Variants in HEPACAM2 observed in about 807,000 individuals in gnomAD.
HEPACAM2 encodes HEPACAM family member 2.
HEPACAM2 carries 49 observed loss-of-function variants against 49.6 expected under a neutral mutation model. The ratio of observed to expected loss-of-function variants is 0.99; its 90% confidence interval spans 0.78 to 1.25. HEPACAM2 has a LOEUF of 1.25. Ranked by LOEUF, HEPACAM2 falls within the 50% of genes most tolerant of loss-of-function variation. HEPACAM2 has a pLI of 0.00. For missense variants in HEPACAM2, 525 were observed against 557.2 expected (o/e 0.94, Z 0.58); for synonymous variants, 197 against 202.9 (o/e 0.97, Z 0.25).
At chr7:93,205,306 A>G (rs1794000616) in intron 4 of HEPACAM2, among the ~76,000 whole-genome samples, 1 of 152,006 alleles carries the variant, frequency 6.6e-6, no homozygotes, top group Non-Finnish European at 1.5e-5. Flanking sequence ...CACAGAACTA[A>G]TTGTTCTCTC....
In HEPACAM2 at chr7:93,192,318, C is replaced by T; in HGVS notation, c.1321G>A (p.Asp441Asn). ...VPASDCVSGQ[D>N]LHSTVYEVIQ... ...ACTTCATACACTGTACTGTGCAAAT[C>T]TTGCCCCGATACACAATCAGAGGCT... The change falls in exon 9 of 10, where the codon GAT becomes AAT. Residue 441 changes from aspartate (D) to asparagine (N), a missense_variant. By Grantham distance (23) the Asp-to-Asn change is conservative. Coordinates refer to ENST00000394468, the MANE Select transcript of HEPACAM2 (RefSeq NM_001039372.4). 1 of 1,612,880 alleles carries T rather than the reference C, an allele frequency of 6.2e-7. No homozygotes were observed.
At position 93,195,857 on chromosome 7, in the gene HEPACAM2, C is replaced by T; in HGVS notation, c.1246G>A (p.Ala416Thr). The T allele has an allele frequency of 6.2e-7, 1 of 1,613,058 alleles. No homozygotes were observed. Among genetic ancestry groups the T allele is most frequent in the Non-Finnish European group, 8.5e-7 (1 of 1,179,424 alleles). The change falls in exon 8 of 10, where the codon GCT becomes ACT. Residue 416 changes from alanine to threonine, a missense_variant. By Grantham distance (58) the Ala-to-Thr change is moderately conservative. Transcript: ENST00000394468. ...GAAACACCAGAAACATCTGGAAAAGCAACAAATTCATATATTCCGAAGTCA... is the reference window on the plus strand; with the variant it reads ...GAAACACCAGAAACATCTGGAAAAGTAACAAATTCATATATTCCGAAGTCA... Reference protein sequence around the residue: ...LDDFGIYEFVAFPDVSGVSRI... With the variant: ...LDDFGIYEFVTFPDVSGVSRI...
Position 93,189,002 on chromosome 7 carries a change from G to T in HEPACAM2, c.*265C>A. 1 of 454,706 alleles carries T rather than the reference G, an allele frequency of 2.2e-6. No homozygotes were observed. The highest frequency in any genetic ancestry group is 3.9e-5 in the Admixed American group (1 of 25,494). 28.2% of individuals were successfully genotyped at this position (454,706 alleles called of 1,614,324 possible). A position where few individuals can be genotyped will look rare whatever the true frequency, so the allele number is the denominator to read the frequency against. On this transcript the variant is annotated 3_prime_UTR_variant, in exon 10 of 10. Transcript: ENST00000394468. Reference sequence around the variant, plus strand: ...TTATGAGGAAACCCCTGTCACTTTCGTTCTCCCCGTCAGCATGAGAACGAC... The same window carrying T: ...TTATGAGGAAACCCCTGTCACTTTCTTTCTCCCCGTCAGCATGAGAACGAC...
intron 3 of HEPACAM2, 53 bp downstream of exon 3, chr7:93,215,348 A>T: frequency 1.3e-6 from 2 of 1,514,522 alleles, no homozygotes; most frequent in South Asian, 2.4e-5. Flanking sequence ...CCTGGGAGAT[A>T]TTCTCAGAAA....
At chr7:93,204,174 G>A (rs1367640642) in intron 4 of HEPACAM2, among the ~76,000 whole-genome samples, 1 of 152,130 alleles carries the variant, frequency 6.6e-6, no homozygotes, top group Non-Finnish European at 1.5e-5. Context: ...AGCTTTCTCA[G>A]GATCACGTAC....
chr7:93,229,943 T>C (rs1794595222), upstream of HEPACAM2, among the ~76,000 whole-genome samples: 1 of 152,186 alleles, frequency 6.6e-6, no homozygotes, highest in Non-Finnish European at 1.5e-5. Flanking sequence ...TTAGAAAATA[T>C]AGTTTATTTA....
At position 93,195,884 on chromosome 7, in the gene HEPACAM2, C is replaced by T; in HGVS notation, c.1219G>A (p.Asp407Asn). The T allele has an allele frequency of 6.2e-7, 1 of 1,612,596 alleles. No homozygotes were observed. Among genetic ancestry groups the T allele is most frequent in the Non-Finnish European group, 8.5e-7 (1 of 1,179,098 alleles). ...ACAAATTCATATATTCCGAAGTCAT[C>T]CAGAGCATCTTCATGGCCTGAAATG... is the stretch of plus-strand genomic sequence containing the variant. The part of the protein sequence containing the change: ...QTFSGHEDAL[D>N]DFGIYEFVAF... The change falls in exon 8 of 10, where the codon GAT becomes AAT. Residue 407 changes from aspartate to asparagine, a missense_variant. By Grantham distance (23) the Asp-to-Asn change is conservative. Transcript: ENST00000394468.
chr7:93,201,887 AC>A (rs145449314), intron 4 of HEPACAM2, among the ~76,000 whole-genome samples: 2,397 of 152,128 alleles, frequency 0.016, 34 homozygotes, highest in South Asian at 0.046. Flanking sequence ...CTAGAGGTGC[AC>A]TTTTGGAAGC....
chr7:93,200,288 T>C (rs1312642883), intron 4 of HEPACAM2, among the ~76,000 whole-genome samples: 1 of 152,128 alleles, frequency 6.6e-6, no homozygotes, highest in Non-Finnish European at 1.5e-5. Context: ...ATCTAATTCA[T>C]CTAATTTTTA....
chr7:93,208,553 G>C, intron 4 of HEPACAM2, 27 bp downstream of exon 4: 1 of 1,592,542 alleles, frequency 6.3e-7, no homozygotes. Context: ...GTTTTATTAG[G>C]ATCCCTTCCT....
intron 3 of HEPACAM2, among the ~76,000 whole-genome samples, chr7:93,214,423 T>C (rs1794252602): frequency 6.6e-6 from 1 of 152,192 alleles, no homozygotes. Context: ...CATTTGTAAA[T>C]TGTCTAAATG....
chr7:93,198,013 C>G (rs1793780855), intron 4 of HEPACAM2, among the ~76,000 whole-genome samples: 1 of 151,798 alleles, frequency 6.6e-6, no homozygotes. Context: ...TGTGAATTTT[C>G]TAGGGAGATG....
Position 93,203,528 on chromosome 7 carries a change from CA to C in HEPACAM2, c.1012+5051del, listed in dbSNP as rs574885586. Among the ~76,000 whole-genome samples, 18 of 152,234 alleles carry C rather than the reference CA, an allele frequency of 1.2e-4. No individual in the cohort carries two copies. In the South Asian group the frequency reaches 3.7e-3, roughly 32 times the overall value. ...GCAGGAGCTTCCTTCTTTCTCCTTT[CA>C]GAGAGTTTATACTATTCTTTAGCAC... On this transcript the variant is annotated intron_variant, in intron 4 of 9. Transcript: ENST00000394468.
intron 7 of HEPACAM2, among the ~76,000 whole-genome samples, chr7:93,196,138 T>C (rs776519288): frequency 2.0e-5 from 3 of 152,164 alleles, no homozygotes; most frequent in Admixed American, 6.6e-5. Context: ...GACGTGAGAA[T>C]AGCCTGTTAC....
At chr7:93,216,095 G>T (rs1449182549) in intron 2 of HEPACAM2, among the ~76,000 whole-genome samples, 2 of 152,114 alleles carry the variant, frequency 1.3e-5, no homozygotes, top group Non-Finnish European at 2.9e-5. Context: ...ATAGCAGCTG[G>T]TTGGGATGGA....
the HEPACAM2 span, among the ~76,000 whole-genome samples, chr7:93,231,683 G>A: frequency 6.6e-6 from 1 of 152,170 alleles, no homozygotes; most frequent in Non-Finnish European, 1.5e-5. Flanking sequence ...ACTGCCAAAA[G>A]TTGAAAAGAG....
chr7:93,224,855 T>C (rs1052901401), intron 1 of HEPACAM2, among the ~76,000 whole-genome samples: 2 of 152,198 alleles, frequency 1.3e-5, no homozygotes, highest in Non-Finnish European at 2.9e-5. Flanking sequence ...GAATAAACTG[T>C]ACAAACTGTA....
chr7:93,215,817 G>A, intron 2 of HEPACAM2, 132 bp from the exon 3 acceptor site: 2 of 818,324 alleles, frequency 2.4e-6, no homozygotes, highest in South Asian at 4.0e-5. Context: ...AGACAGCTCA[G>A]GTAATAACTA....
chr7:93,191,735 T>A (rs978198761), intron 9 of HEPACAM2, among the ~76,000 whole-genome samples: 1 of 152,052 alleles, frequency 6.6e-6, no homozygotes, highest in African/African-American at 2.4e-5. Context: ...CCTCTATGGG[T>A]GAGAGGCCAG....
Sources: allele counts gnomAD v4.1 joint callset (sites outside exome capture counted in the v4.1 genomes callset), GRCh38; gene constraint gnomAD v4.1.1; transcripts MANE v1.5; gene names NCBI Gene and HGNC (gene_info 2026-07-23, HGNC 2026-07-21).